AGAP1: variants seen among roughly 807,000 people sequenced by gnomAD.
AGAP1 encodes the protein arf-GAP with GTPase, ANK repeat and PH domain-containing protein 1.
In AGAP1, 29 loss-of-function variants were observed where a neutral mutation model predicts 105.3. The observed-to-expected ratio is 0.28, with a 90% CI of 0.21 to 0.38. The LOEUF is 0.38. Ranked by LOEUF, AGAP1 falls within the 10% of genes least tolerant of loss-of-function variation. The pLI, the probability that AGAP1 is intolerant of heterozygous loss-of-function variation, is 1.00. For missense variants in AGAP1, 998 were observed against 1,165.1 expected (o/e 0.86, Z 2.09); for synonymous variants, 509 against 485.9 (o/e 1.05, Z -0.63).
rs1048310121 is a variant in AGAP1, at chr2:235,908,131, C to T, written c.1156-607C>T. Among the ~76,000 whole-genome samples the T allele has an allele frequency of 9.2e-5, 14 of 152,112 alleles. No individual in the cohort carries two copies. The highest frequency in any genetic ancestry group is 1.5e-4 in the Non-Finnish European group (10 of 68,024). ...ACTCCACAGTGAGTTAAGTGAGCTG[C>T]CAGAGAGCAGTCACTGTCCACCGAG... On this transcript the variant is annotated intron_variant, in intron 10 of 17. Transcript: ENST00000304032. This position sits in a 1 kb window ranked among gnomAD's most constrained non-coding sequence, Gnocchi z 4.4.
At chr2:235,915,151 A>G (rs774463620) in intron 11 of AGAP1, among the ~76,000 whole-genome samples, 11 of 152,136 alleles carry the variant, frequency 7.2e-5, no homozygotes, top group Non-Finnish European at 1.5e-4. Flanking sequence ...TGGTTGGCCA[A>G]GGCTGCAGAG....
At chr2:235,763,777 A>T (rs568911446) in intron 6 of AGAP1, among the ~76,000 whole-genome samples, 1 of 152,344 alleles carries the variant, frequency 6.6e-6, no homozygotes, top group Admixed American at 6.5e-5. Context: ...AAATATGAAA[A>T]TAAGTCCACG....
intron 12 of AGAP1, among the ~76,000 whole-genome samples, chr2:235,954,778 C>T (rs1002372217): frequency 7.2e-5 from 11 of 151,982 alleles, no homozygotes; most frequent in African/African-American, 2.7e-4. Flanking sequence ...TGCTTATTAA[C>T]TCTCTCCGTT....
intron 11 of AGAP1, among the ~76,000 whole-genome samples, chr2:235,928,938 A>G (rs78990647): frequency 0.022 from 3,381 of 152,326 alleles, 45 homozygotes; most frequent in Non-Finnish European, 0.033. Flanking sequence ...AAGAGCAAGC[A>G]TGGGAGCACC....
intron 16 of AGAP1, among the ~76,000 whole-genome samples, chr2:236,108,144 C>G (rs1419449893): frequency 6.6e-6 from 1 of 152,216 alleles, no homozygotes; most frequent in African/African-American, 2.4e-5. Flanking sequence ...CCGCCTGACC[C>G]CCTAGCAACG....
intron 9 of AGAP1, among the ~76,000 whole-genome samples, chr2:235,807,773 A>AT (rs1957915868): frequency 6.6e-6 from 1 of 152,214 alleles, no homozygotes; most frequent in Admixed American, 6.5e-5. Flanking sequence ...CAACGAGGCA[A>AT]TTAGTTGTGA....
Position 235,553,359 on chromosome 2 carries a change from C to T in AGAP1, c.163+58510C>T, listed in dbSNP as rs969509174. Reference sequence around the variant, plus strand: ...GTTTTTTTTTGTCTTGGTCAGGTCACGATGTTCCTGTGAATTTTTAATAAA... The same window carrying T: ...GTTTTTTTTTGTCTTGGTCAGGTCATGATGTTCCTGTGAATTTTTAATAAA... On this transcript the variant is annotated intron_variant, in intron 1 of 17. Coordinates refer to ENST00000304032, the MANE Select transcript of AGAP1 (RefSeq NM_001037131.3). This position sits in a 1 kb window ranked among gnomAD's most constrained non-coding sequence, Gnocchi z 4.5. Among the ~76,000 whole-genome samples, 2 of 151,862 alleles carry T rather than the reference C, an allele frequency of 1.3e-5. No homozygotes were observed. The highest frequency in any genetic ancestry group is 2.9e-5 in the Non-Finnish European group (2 of 67,994).
chr2:235,670,416 G>T, intron 1 of AGAP1: 1 of 562,830 alleles, frequency 1.8e-6, no homozygotes. Context: ...CTGGAACTGG[G>T]GCGGCTCCGG....
rs528144791 is a variant in AGAP1 at position 235,788,562 on chromosome 2, G to A, written c.674-9197G>A. Among the ~76,000 whole-genome samples, 6 of 152,078 alleles carry A rather than the reference G, an allele frequency of 3.9e-5. No homozygotes were observed. The South Asian group carries it at 1.0e-3, about 26-fold the overall frequency. ...GGTGGGGCGAGGAGAAGAGCGGGAGGGTAGGTGAGGCCGGGCAAGGAGAGG... is the reference window on the plus strand; with the variant it reads ...GGTGGGGCGAGGAGAAGAGCGGGAGAGTAGGTGAGGCCGGGCAAGGAGAGG... On this transcript the variant is annotated intron_variant, in intron 6 of 17. Transcript: ENST00000304032. This position sits in a 1 kb window ranked among gnomAD's most constrained non-coding sequence, Gnocchi z 6.0.
At chr2:236,054,415 G>T (rs1169785500) in intron 16 of AGAP1, among the ~76,000 whole-genome samples, 1 of 148,432 alleles carries the variant, frequency 6.7e-6, no homozygotes, top group African/African-American at 2.5e-5. Flanking sequence ...TTGGCCTGCT[G>T]AGGTCAATGT....
intron 16 of AGAP1, among the ~76,000 whole-genome samples, chr2:236,097,545 A>G (rs1038780852): frequency 6.6e-6 from 1 of 151,820 alleles, no homozygotes; most frequent in African/African-American, 2.4e-5. Flanking sequence ...GGCATGTGCC[A>G]CCACACCCAG....
chr2:235,730,923 C>T (rs144492524), intron 3 of AGAP1, among the ~76,000 whole-genome samples: 28 of 152,236 alleles, frequency 1.8e-4, no homozygotes, highest in African/African-American at 2.6e-4. Context: ...AGCCCCCAAC[C>T]GTTTTCTCCG....
In AGAP1 at chr2:235,553,830, G is replaced by A. The variant is rs961305124; in HGVS notation, c.163+58981G>A. On this transcript the variant is annotated intron_variant, in intron 1 of 17. Coordinates refer to ENST00000304032, the MANE Select transcript of AGAP1 (RefSeq NM_001037131.3). The surrounding 1 kb of genome is among the most constrained non-coding windows in gnomAD (Gnocchi z 4.5). ...AGCAACTGACGTCGTATTTCCACCC[G>A]ACAATGGCTTGATTCACTTGATAAG... 3.9e-5 allele frequency among the ~76,000 whole-genome samples: 6 copies of A among 152,166 alleles called. No individual in the cohort carries two copies. Among genetic ancestry groups the A allele is most frequent in the South Asian group, 2.1e-4 (1 of 4,830 alleles).
At position 235,642,343 on chromosome 2, in the gene AGAP1, G is replaced by C. The variant is rs1157262628; in HGVS notation, c.164-66836G>C. Among the ~76,000 whole-genome samples, 2 of 152,220 alleles carry C rather than the reference G, an allele frequency of 1.3e-5. No homozygotes were observed. Among genetic ancestry groups the C allele is most frequent in the Non-Finnish European group, 2.9e-5 (2 of 68,036 alleles). On this transcript the variant is annotated intron_variant, in intron 1 of 17. Transcript: ENST00000304032. The surrounding 1 kb of genome is among the most constrained non-coding windows in gnomAD (Gnocchi z 4.1). ...CTGCACTCAACCTCCTGGGACCTGG[G>C]GCTGCACCCACTGGCATTGATTAGA...
chr2:235,965,266 C>T lies in AGAP1; in HGVS notation c.1484-3196C>T, dbSNP rs1199340772. 6.6e-6 allele frequency among the ~76,000 whole-genome samples: 1 copy of T among 152,164 alleles called. No individual in the cohort carries two copies. The highest frequency in any genetic ancestry group is 1.5e-5 in the Non-Finnish European group (1 of 68,028). On this transcript the variant is annotated intron_variant, in intron 12 of 17. Transcript: ENST00000304032. This position sits in a 1 kb window ranked among gnomAD's most constrained non-coding sequence, Gnocchi z 5.8. ...AAGAGAGGGTCAGGTAGAGCCAAGC[C>T]TGGAACTGGTGTTGGTGTCATGCAC...
At chr2:235,543,885 CAG>C (rs985187985) in intron 1 of AGAP1, among the ~76,000 whole-genome samples, 4 of 152,110 alleles carry the variant, frequency 2.6e-5, no homozygotes, top group African/African-American at 4.8e-5. Flanking sequence ...ATAGACCTGT[CAG>C]GGAATCACGG....
At chr2:235,816,111 A>G (rs1480466741) in intron 9 of AGAP1, among the ~76,000 whole-genome samples, 1 of 152,196 alleles carries the variant, frequency 6.6e-6, no homozygotes, top group Admixed American at 6.5e-5. Flanking sequence ...TCTCCCAGGT[A>G]TAAAAGATAG....
intron 9 of AGAP1, among the ~76,000 whole-genome samples, chr2:235,852,143 T>C (rs1037734890): frequency 4.6e-5 from 7 of 152,200 alleles, no homozygotes; most frequent in Admixed American, 4.6e-4. Context: ...AATATATGCC[T>C]GAGTGCTCAT....
At chr2:235,820,186 C>T (rs894856684) in intron 9 of AGAP1, among the ~76,000 whole-genome samples, 4 of 152,078 alleles carry the variant, frequency 2.6e-5, no homozygotes, top group African/African-American at 9.7e-5. Context: ...AGCCACCATG[C>T]GTGGCTAAAA....
Sources: gnomAD v4.1 joint callset for allele counts (sites outside exome capture counted in the v4.1 genomes callset) on GRCh38, gnomAD v4.1.1 for gene constraint, Gnocchi (gnomAD v3.1) non-coding constraint, MANE v1.5 for transcripts, NCBI Gene and HGNC (gene_info 2026-07-23, HGNC 2026-07-21) for gene names.